VCL: variants seen among roughly 807,000 people sequenced by gnomAD.
VCL encodes vinculin.
A neutral mutation model predicts 125.7 loss-of-function variants in VCL; 47 were observed. That is an observed-to-expected ratio of 0.37 (90% CI 0.30 to 0.48). The LOEUF is 0.48. Ranked by LOEUF, VCL falls within the 20% of genes least tolerant of loss-of-function variation. VCL has a pLI of 0.99. For missense variants in VCL, 1,069 were observed against 1,455.5 expected, an observed-to-expected ratio of 0.73 and a Z score of 4.32; for synonymous variants, 458 against 514.6, an observed-to-expected ratio of 0.89 and a Z score of 1.49.
At chr10:74,010,029 A>G (rs753351653) in intron 1 of VCL, among the ~76,000 whole-genome samples, 1 of 151,000 alleles carries the variant, frequency 6.6e-6, no homozygotes, top group Non-Finnish European at 1.5e-5. Context: ...GGTTCAAGTG[A>G]TCCTCCCTCT....
intron 14 of VCL, 113 bp from the exon 15 acceptor site, chr10:74,103,707 C>A: frequency 1.0e-6 from 1 of 981,612 alleles, no homozygotes; most frequent in Non-Finnish European, 1.6e-6. Context: ...AGAGACTTGC[C>A]ACTTTCTGGC....
chr10:74,058,456 C>T (rs1591678221), intron 2 of VCL, among the ~76,000 whole-genome samples: 1 of 152,166 alleles, frequency 6.6e-6, no homozygotes, highest in East Asian at 1.9e-4. Flanking sequence ...TAGTACTTCA[C>T]TCTTAGGCAA....
At chr10:74,081,588 A>C (rs929960232) in intron 6 of VCL, among the ~76,000 whole-genome samples, 3 of 152,218 alleles carry the variant, frequency 2.0e-5, no homozygotes, top group South Asian at 4.1e-4. Flanking sequence ...ATAGAGACTT[A>C]AGAGATGGCT....
At chr10:74,085,888 C>T (rs1467574383) in intron 8 of VCL, among the ~76,000 whole-genome samples, 3 of 151,894 alleles carry the variant, frequency 2.0e-5, no homozygotes, top group African/African-American at 4.8e-5. Context: ...TTTTTTGAGA[C>T]AAGAGTTTTG....
intron 2 of VCL, among the ~76,000 whole-genome samples, chr10:74,043,535 T>TG (rs1211568970): frequency 6.6e-6 from 1 of 151,954 alleles, no homozygotes. Context: ...TTAGTAGAGA[T>TG]GGGGTTTCAC....
At chr10:74,034,498 G>A (rs149575091) in intron 1 of VCL, among the ~76,000 whole-genome samples, 2 of 152,088 alleles carry the variant, frequency 1.3e-5, no homozygotes, top group African/African-American at 4.8e-5. Flanking sequence ...CCTCACCTAC[G>A]CAGAGCAGAA....
intron 1 of VCL, among the ~76,000 whole-genome samples, chr10:74,018,177 G>GAGAT (rs113828874): frequency 4.9e-5 from 4 of 81,910 alleles, no homozygotes; most frequent in Admixed American, 3.1e-4. Flanking sequence ...ATATATATAG[G>GAGAT]ATATATATAT....
intron 2 of VCL, among the ~76,000 whole-genome samples, chr10:74,055,976 C>T (rs1261927704): frequency 1.3e-5 from 2 of 152,166 alleles, no homozygotes; most frequent in South Asian, 4.1e-4. Flanking sequence ...AAATAAACTA[C>T]TTACCAAGAC....
chr10:74,118,000 G>A (rs752451852), intron 21 of VCL, 23 bp from the exon 22 acceptor site: 23 of 1,613,566 alleles, frequency 1.4e-5, no homozygotes, highest in Non-Finnish European at 1.9e-5. Context: ...CCTGGGTAAC[G>A]GAAAGTACCT....
At position 74,104,959 on chromosome 10, in the gene VCL, A is replaced by G. The variant is rs548370450; in HGVS notation, c.2132-92A>G. On this transcript the variant is annotated intron_variant, in intron 15 of 21. Transcript: ENST00000211998. ...TGAAGAAGAGAATTCTGGATGTTATACTTTCTCATGAGAAGTTTGAGTGGA... is the reference window on the plus strand; with the variant it reads ...TGAAGAAGAGAATTCTGGATGTTATGCTTTCTCATGAGAAGTTTGAGTGGA... The G allele has an allele frequency of 2.2e-5, 31 of 1,390,502 alleles. No homozygotes were observed. The East Asian group carries it at 7.1e-4, about 32-fold the overall frequency. 86.1% of individuals were successfully genotyped at this position (1,390,502 alleles called of 1,614,324 possible).
intron 16 of VCL, among the ~76,000 whole-genome samples, chr10:74,105,659 C>T (rs746387777): frequency 7.2e-5 from 11 of 152,118 alleles, no homozygotes; most frequent in Admixed American, 1.3e-4. Context: ...TGGGTTCTAG[C>T]GATTCTCCTA....
intron 1 of VCL, among the ~76,000 whole-genome samples, chr10:74,031,035 T>C (rs745602910): frequency 6.6e-6 from 1 of 152,216 alleles, no homozygotes; most frequent in Non-Finnish European, 1.5e-5. Context: ...GAAATCCTAA[T>C]TCTGTCATAT....
chr10:74,073,902 C>T (rs1302793746), intron 5 of VCL, among the ~76,000 whole-genome samples: 1 of 152,132 alleles, frequency 6.6e-6, no homozygotes, highest in Non-Finnish European at 1.5e-5. Flanking sequence ...TTTGGTGTTT[C>T]AAGTAGTAGC....
chr10:74,033,355 G>A (rs1269008932), intron 1 of VCL, among the ~76,000 whole-genome samples: 1 of 152,186 alleles, frequency 6.6e-6, no homozygotes, highest in Admixed American at 6.5e-5. Flanking sequence ...GGTGAGGAAG[G>A]GTTAGGGCTA....
chr10:74,039,907 T>C (rs761360000), intron 1 of VCL, among the ~76,000 whole-genome samples: 10 of 152,260 alleles, frequency 6.6e-5, no homozygotes, highest in Non-Finnish European at 1.5e-4. Context: ...GGCCCTTGCC[T>C]TCTTACCCAG....
chr10:74,019,449 C>T (rs934225451), intron 1 of VCL, among the ~76,000 whole-genome samples: 7 of 151,988 alleles, frequency 4.6e-5, no homozygotes, highest in East Asian at 1.9e-4. Flanking sequence ...GTTCCCCTCC[C>T]GAAACAGAGG....
At chr10:74,058,928 T>TGA (rs374097575) in intron 2 of VCL, among the ~76,000 whole-genome samples, 15 of 151,536 alleles carry the variant, frequency 9.9e-5, no homozygotes, top group Middle Eastern at 3.4e-3. Flanking sequence ...TGCGTATGCG[T>TGA]GAGAGAGAGA....
At chr10:74,011,536 G>A (rs1840435997) in intron 1 of VCL, among the ~76,000 whole-genome samples, 2 of 152,072 alleles carry the variant, frequency 1.3e-5, no homozygotes, top group South Asian at 4.1e-4. Flanking sequence ...CCTGCTCATG[G>A]TAGTTCTTCA....
At chr10:74,028,209 A>C (rs991244559) in intron 1 of VCL, among the ~76,000 whole-genome samples, 1 of 151,862 alleles carries the variant, frequency 6.6e-6, no homozygotes, top group African/African-American at 2.4e-5. Context: ...CCAAGTAGCT[A>C]GGACTACAGG....
Sources: gnomAD v4.1 joint callset for allele counts (sites outside exome capture counted in the v4.1 genomes callset) on GRCh38, gnomAD v4.1.1 for gene constraint, MANE v1.5 for transcripts, NCBI Gene and HGNC (gene_info 2026-07-23, HGNC 2026-07-21) for gene names.